The following FRMD4A variants were observed in gnomAD, a reference collection of about 807,000 sequenced individuals.
The protein encoded by FRMD4A is FERM domain-containing protein 4A.
FRMD4A carries 29 observed loss-of-function variants against 129.1 expected under a neutral mutation model. The observed-to-expected ratio is 0.22, with a 90% confidence interval of 0.17 to 0.31. The LOEUF (loss-of-function observed/expected upper bound fraction) is 0.31. Among genes scored for constraint, FRMD4A ranks in the 10% least tolerant of loss-of-function variants. FRMD4A has a pLI of 1.00. For synonymous variants in FRMD4A, 634 were observed against 571.6 expected, an observed-to-expected ratio of 1.11 and a Z score of -1.56; for missense variants, 1,272 against 1,375.8, an observed-to-expected ratio of 0.92 and a Z score of 1.19.
In FRMD4A at chr10:14,076,071, G is replaced by A. The variant is rs1377636440; in HGVS notation, c.46-217159C>T. ...CTGTTTTATTTCCGCTGCTCACCTG[G>A]GCCTCTGAATAACCGGGTTTCATTA... On this transcript the variant is annotated intron_variant, in intron 2 of 24. Coordinates refer to ENST00000357447, the MANE Select transcript of FRMD4A (RefSeq NM_018027.5). Among the ~76,000 whole-genome samples, 4 of 152,006 alleles carry A rather than the reference G, an allele frequency of 2.6e-5. No individual in the cohort carries two copies. The East Asian group carries it at 5.8e-4, about 22-fold the overall frequency.
intron 12 of FRMD4A, among the ~76,000 whole-genome samples, chr10:13,718,620 T>C (rs1386483095): frequency 2.0e-5 from 3 of 152,212 alleles, no homozygotes; most frequent in Non-Finnish European, 4.4e-5. Flanking sequence ...CTCTGCTCTT[T>C]CCCCCAGAGG....
chr10:14,246,215 C>A (rs1844231095), intron 2 of FRMD4A, among the ~76,000 whole-genome samples: 1 of 152,146 alleles, frequency 6.6e-6, no homozygotes, highest in Non-Finnish European at 1.5e-5. Context: ...AGAATTAGGT[C>A]TTCAATTTAG....
At chr10:14,249,549 CT>C (rs1208546288) in intron 2 of FRMD4A, among the ~76,000 whole-genome samples, 1 of 152,212 alleles carries the variant, frequency 6.6e-6, no homozygotes. Context: ...AGCCGCTTCC[CT>C]TTCCAGAACT....
At chr10:14,128,084 CTTTCTTTCTTTCTTTCTTTCT>C (rs1340318096) in intron 2 of FRMD4A, among the ~76,000 whole-genome samples, 2 of 96,074 alleles carry the variant, frequency 2.1e-5, no homozygotes, top group East Asian at 2.9e-4. Context: ...TTCTTTCTTT[CTTTCTTTCTTTCTTTCTTTCT>C]TTTCTTTTCT....
At chr10:13,920,105 A>G (rs1292581595) in intron 2 of FRMD4A, among the ~76,000 whole-genome samples, 1 of 152,216 alleles carries the variant, frequency 6.6e-6, no homozygotes, top group African/African-American at 2.4e-5. Context: ...AAGGGGAGCA[A>G]GATTTTTAAA....
intron 2 of FRMD4A, among the ~76,000 whole-genome samples, chr10:14,291,932 T>C (rs549954338): frequency 5.3e-5 from 8 of 152,202 alleles, no homozygotes; most frequent in African/African-American, 1.9e-4. Flanking sequence ...TTTTAAAATG[T>C]GATGTATTAA....
At chr10:13,773,966 A>G (rs188564723) in intron 6 of FRMD4A, among the ~76,000 whole-genome samples, 3 of 152,344 alleles carry the variant, frequency 2.0e-5, no homozygotes, top group African/African-American at 7.2e-5. Context: ...GGAACACGCA[A>G]CGTTCCAGGC....
At chr10:14,015,102 C>A (rs2095694554) in intron 2 of FRMD4A, among the ~76,000 whole-genome samples, 1 of 131,038 alleles carries the variant, frequency 7.6e-6, no homozygotes, top group Non-Finnish European at 1.6e-5. Flanking sequence ...CTCCCTCCCA[C>A]CCTTCCTTTC....
intron 2 of FRMD4A, among the ~76,000 whole-genome samples, chr10:14,184,861 G>T (rs987688515): frequency 6.6e-6 from 1 of 152,140 alleles, no homozygotes; most frequent in Non-Finnish European, 1.5e-5. Context: ...ACATCTTCGT[G>T]CATGGCCTGC....
At chr10:13,766,374 T>G (rs1161944562) in intron 6 of FRMD4A, among the ~76,000 whole-genome samples, 1 of 152,094 alleles carries the variant, frequency 6.6e-6, no homozygotes, top group African/African-American at 2.4e-5. Context: ...TATCTCCCAG[T>G]GAAGATATCA....
intron 2 of FRMD4A, among the ~76,000 whole-genome samples, chr10:13,873,195 T>G (rs1485189773): frequency 1.1e-5 from 1 of 91,832 alleles, no homozygotes; most frequent in African/African-American, 4.3e-5. Flanking sequence ...TAAAATAAAA[T>G]AAAAAAATAA....
At chr10:14,309,902 C>A (rs1000743944) in intron 2 of FRMD4A, among the ~76,000 whole-genome samples, 1 of 152,112 alleles carries the variant, frequency 6.6e-6, no homozygotes, top group Admixed American at 6.5e-5. Flanking sequence ...GAAAGAAAAT[C>A]CCTTCTGGCC....
chr10:13,909,158 A>AT (rs2094913562), intron 2 of FRMD4A, among the ~76,000 whole-genome samples: 1 of 152,092 alleles, frequency 6.6e-6, no homozygotes, highest in South Asian at 2.1e-4. Context: ...TGCAGGCAGG[A>AT]TTTTTGTTTT....
At chr10:13,833,346 G>A (rs1296403806) in intron 3 of FRMD4A, among the ~76,000 whole-genome samples, 1 of 152,180 alleles carries the variant, frequency 6.6e-6, no homozygotes, top group Non-Finnish European at 1.5e-5. Context: ...GATCTCATGA[G>A]ATTTACTTAC....
chr10:14,183,256 CAG>C (rs1394795172), intron 2 of FRMD4A, among the ~76,000 whole-genome samples: 3 of 152,186 alleles, frequency 2.0e-5, no homozygotes, highest in South Asian at 2.1e-4. Context: ...AATGTGCAGA[CAG>C]AGTTCACTTT....
intron 2 of FRMD4A, among the ~76,000 whole-genome samples, chr10:14,020,043 A>C (rs577533245): frequency 1.4e-3 from 207 of 152,318 alleles, no homozygotes; most frequent in African/African-American, 4.9e-3. Flanking sequence ...ACAAAACGAA[A>C]CAGGACAAAG....
chr10:14,309,086 C>G (rs1185775951), intron 2 of FRMD4A, among the ~76,000 whole-genome samples: 3 of 152,142 alleles, frequency 2.0e-5, no homozygotes, highest in Non-Finnish European at 4.4e-5. Flanking sequence ...AATCGGCTCA[C>G]AGATAAAGAT....
At chr10:14,143,536 A>T (rs78429335) in intron 2 of FRMD4A, among the ~76,000 whole-genome samples, 137 of 152,380 alleles carry the variant, frequency 9.0e-4, no homozygotes, top group African/African-American at 3.1e-3. Flanking sequence ...GGATGGGGTG[A>T]TAGCAGCGCA....
intron 2 of FRMD4A, among the ~76,000 whole-genome samples, chr10:14,049,737 C>T (rs1260093029): frequency 2.6e-5 from 4 of 152,098 alleles, no homozygotes; most frequent in Non-Finnish European, 4.4e-5. Context: ...CGCCTAGAAT[C>T]GCAGCTACCT....
Sources: gnomAD v4.1 joint callset for allele counts (sites outside exome capture counted in the v4.1 genomes callset) on GRCh38, gnomAD v4.1.1 for gene constraint, MANE v1.5 for transcripts, NCBI Gene and HGNC (gene_info 2026-07-23, HGNC 2026-07-21) for gene names.